Variants in TBC1D15 observed in about 807,000 individuals in gnomAD.
The protein encoded by TBC1D15 is GAP for RAB7.
In TBC1D15, 39 loss-of-function variants were observed where a neutral mutation model predicts 95.4. The ratio of observed to expected loss-of-function variants is 0.41; its 90% confidence interval spans 0.32 to 0.53. The LOEUF (loss-of-function observed/expected upper bound fraction) is 0.53, where lower values mean the gene tolerates loss of function less well. Among genes scored for constraint, TBC1D15 ranks in the 20% least tolerant of loss-of-function variants. TBC1D15 has a pLI of 0.29. For missense variants in TBC1D15, 733 were observed against 794.3 expected (o/e 0.92, Z 0.93); for synonymous variants, 258 against 261.3 (o/e 0.99, Z 0.12).
intron 10 of TBC1D15, among the ~76,000 whole-genome samples, chr12:71,905,317 G>A (rs935357061): frequency 1.3e-5 from 2 of 152,054 alleles, no homozygotes; most frequent in Non-Finnish European, 2.9e-5. Flanking sequence ...AAATGAGACA[G>A]AAGCAGTTTG....
intron 10 of TBC1D15, among the ~76,000 whole-genome samples, chr12:71,900,143 T>C (rs1400507277): frequency 6.6e-6 from 1 of 151,978 alleles, no homozygotes; most frequent in African/African-American, 2.4e-5. Flanking sequence ...AAATGGGGTA[T>C]GGTGAAATTG....
At chr12:71,850,454 C>G (rs1205075845) in intron 1 of TBC1D15, 1 of 221,460 alleles carries the variant, frequency 4.5e-6, no homozygotes. Context: ...GTTCTGTCGC[C>G]CAGGCTGAAG....
intron 1 of TBC1D15, among the ~76,000 whole-genome samples, chr12:71,851,991 C>T (rs1887944896): frequency 6.6e-6 from 1 of 152,214 alleles, no homozygotes; most frequent in South Asian, 2.1e-4. Flanking sequence ...CTCCTCACTG[C>T]CCTATTAGAG....
chr12:71,846,696 T>G (rs1342560363), intron 1 of TBC1D15, among the ~76,000 whole-genome samples: 1 of 151,978 alleles, frequency 6.6e-6, no homozygotes, highest in Non-Finnish European at 1.5e-5. Flanking sequence ...TATTTATTTT[T>G]AATTAGGTTT....
chr12:71,899,848 A>G (rs779247945), intron 10 of TBC1D15, among the ~76,000 whole-genome samples: 6 of 152,038 alleles, frequency 3.9e-5, no homozygotes, highest in Non-Finnish European at 7.4e-5. Context: ...TAATCCCAGT[A>G]TTTGGGAGGC....
intron 9 of TBC1D15, 54 bp from the exon 10 acceptor site, chr12:71,897,793 G>A (rs1898515211): frequency 1.5e-6 from 2 of 1,371,798 alleles, no homozygotes; most frequent in Admixed American, 1.7e-5. Flanking sequence ...ATTAAACAGT[G>A]TTAAAAATAA....
At chr12:71,867,996 C>T (rs955205915) in intron 1 of TBC1D15, among the ~76,000 whole-genome samples, 3 of 152,014 alleles carry the variant, frequency 2.0e-5, no homozygotes, top group Non-Finnish European at 4.4e-5. Context: ...AAATATAAGA[C>T]TTTGTAAGAT....
intron 4 of TBC1D15, among the ~76,000 whole-genome samples, chr12:71,884,270 C>T (rs1895785200): frequency 6.6e-6 from 1 of 152,064 alleles, no homozygotes; most frequent in Non-Finnish European, 1.5e-5. Flanking sequence ...TGTTTTTTGA[C>T]TCTTCAAGAG....
intron 1 of TBC1D15, among the ~76,000 whole-genome samples, chr12:71,865,349 C>A (rs1891264179): frequency 6.6e-6 from 1 of 152,040 alleles, no homozygotes; most frequent in Non-Finnish European, 1.5e-5. Flanking sequence ...TGGCCTGACT[C>A]CTGGGAAGAA....
intron 3 of TBC1D15, among the ~76,000 whole-genome samples, chr12:71,874,649 G>A (rs1160273364): frequency 1.4e-5 from 2 of 141,710 alleles, no homozygotes; most frequent in East Asian, 4.1e-4. Context: ...TTGAGACGGA[G>A]TCTTGCTCTG....
chr12:71,846,650 C>A (rs1365990767), intron 1 of TBC1D15, among the ~76,000 whole-genome samples: 3 of 148,706 alleles, frequency 2.0e-5, no homozygotes, highest in African/African-American at 5.0e-5. Flanking sequence ...GGACTAATTT[C>A]TTTCTTTTTA....
At chr12:71,870,707 T>G (rs1427818080) in intron 1 of TBC1D15, among the ~76,000 whole-genome samples, 1 of 152,242 alleles carries the variant, frequency 6.6e-6, no homozygotes, top group Non-Finnish European at 1.5e-5. Flanking sequence ...TTCACCACTT[T>G]CAGTTGTCTT....
chr12:71,850,618 C>G (rs114988487), intron 1 of TBC1D15, among the ~76,000 whole-genome samples: 2,628 of 152,136 alleles, frequency 0.017, 82 homozygotes, highest in African/African-American at 0.06. Context: ...GCTGTGTTGC[C>G]GAGGCTGGTC....
chr12:71,860,053 T>C (rs1592711356), intron 1 of TBC1D15, among the ~76,000 whole-genome samples: 1 of 152,234 alleles, frequency 6.6e-6, no homozygotes, highest in East Asian at 1.9e-4. Context: ...TTGGTGACTT[T>C]GTCAAAAATC....
At chr12:71,870,412 C>T (rs1021191885) in intron 1 of TBC1D15, among the ~76,000 whole-genome samples, 7 of 152,180 alleles carry the variant, frequency 4.6e-5, no homozygotes, top group Admixed American at 2.0e-4. Flanking sequence ...CCCATGTAAG[C>T]TTCTGTTTAT....
chr12:71,881,313 C>T (rs963926862), intron 4 of TBC1D15, among the ~76,000 whole-genome samples: 5 of 152,060 alleles, frequency 3.3e-5, no homozygotes, highest in Admixed American at 6.6e-5. Context: ...AGGTTTGTAG[C>T]CCAGAATTTC....
intron 11 of TBC1D15, among the ~76,000 whole-genome samples, chr12:71,910,003 T>C (rs1353599284): frequency 1.3e-5 from 2 of 152,084 alleles, no homozygotes; most frequent in African/African-American, 4.8e-5. Context: ...AGGTCTAATG[T>C]TTGTGTCTTT....
chr12:71,921,707 T>C (rs1211655785), intron 16 of TBC1D15, among the ~76,000 whole-genome samples: 1 of 152,168 alleles, frequency 6.6e-6, no homozygotes, highest in Non-Finnish European at 1.5e-5. Flanking sequence ...ACAAAGAGGC[T>C]GTAGAATTTC....
chr12:71,914,445 C>CTA (rs1452240791), intron 12 of TBC1D15, among the ~76,000 whole-genome samples: 5 of 151,902 alleles, frequency 3.3e-5, no homozygotes, highest in African/African-American at 1.2e-4. Context: ...ATTGAACTGT[C>CTA]TATATATACA....
Sources: gnomAD v4.1 joint callset for allele counts (sites outside exome capture counted in the v4.1 genomes callset) on GRCh38, gnomAD v4.1.1 for gene constraint, MANE v1.5 for transcripts, NCBI Gene and HGNC (gene_info 2026-07-23, HGNC 2026-07-21) for gene names.